Variants in CMIP observed in about 807,000 individuals in gnomAD.
CMIP encodes the protein c-Maf inducing protein.
A neutral mutation model predicts 97.3 loss-of-function variants in CMIP; 13 were observed. The ratio of observed to expected loss-of-function variants is 0.13; its 90% CI spans 0.09 to 0.21. The LOEUF (loss-of-function observed/expected upper bound fraction) is 0.21. CMIP is among the 10% of genes least tolerant of loss of function. The pLI is 1.00. For missense variants in CMIP, 847 were observed against 1,024.9 expected, an observed-to-expected ratio of 0.83 and a Z score of 2.37; for synonymous variants, 538 against 436.3, an observed-to-expected ratio of 1.23 and a Z score of -2.91.
intron 1 of CMIP, among the ~76,000 whole-genome samples, chr16:81,553,747 A>G (rs1238526046): frequency 6.6e-6 from 1 of 152,090 alleles, no homozygotes; most frequent in Non-Finnish European, 1.5e-5. Context: ...GCCAAAAGCT[A>G]TAGGCAGCAT....
chr16:81,676,820 C>G (rs1286551769), intron 9 of CMIP, among the ~76,000 whole-genome samples: 2 of 152,190 alleles, frequency 1.3e-5, no homozygotes, highest in Non-Finnish European at 1.5e-5. Flanking sequence ...CCCCTTCCCC[C>G]AGCTGCAACA....
chr16:81,529,540 A>G (rs1160656286), intron 1 of CMIP, among the ~76,000 whole-genome samples: 1 of 152,188 alleles, frequency 6.6e-6, no homozygotes, highest in Admixed American at 6.5e-5. Context: ...CCTACTCCCC[A>G]GAAATGGAAT....
intron 1 of CMIP, among the ~76,000 whole-genome samples, chr16:81,515,755 G>A (rs1409899885): frequency 6.6e-6 from 1 of 152,182 alleles, no homozygotes; most frequent in African/African-American, 2.4e-5. Flanking sequence ...TGATCTGCTG[G>A]GTGTGGTCGG....
intron 1 of CMIP, among the ~76,000 whole-genome samples, chr16:81,546,527 C>T (rs915635674): frequency 6.6e-6 from 1 of 152,202 alleles, no homozygotes. Context: ...ATTAATTCAT[C>T]TAACTAATAG....
intron 1 of CMIP, among the ~76,000 whole-genome samples, chr16:81,454,502 G>A (rs1906426654): frequency 6.6e-6 from 1 of 152,370 alleles, no homozygotes; most frequent in Non-Finnish European, 1.5e-5. Context: ...ACATTCCTTT[G>A]TGATTTTGTC....
intron 1 of CMIP, among the ~76,000 whole-genome samples, chr16:81,489,197 A>T (rs1041909868): frequency 6.6e-6 from 1 of 152,140 alleles, no homozygotes; most frequent in African/African-American, 2.4e-5. Flanking sequence ...GAGGGGTACG[A>T]TGTGCCCATA....
intron 3 of CMIP, chr16:81,651,317 GCCTCCGTTT>G: frequency 4.2e-6 from 2 of 480,416 alleles, no homozygotes; most frequent in Non-Finnish European, 5.4e-6. Context: ...CCTTCCGAGG[GCCTCCGTTT>G]CCATGATGTC....
chr16:81,551,628 G>A (rs968959354), intron 1 of CMIP, among the ~76,000 whole-genome samples: 4 of 152,146 alleles, frequency 2.6e-5, no homozygotes, highest in Admixed American at 6.5e-5. Context: ...TCTGTCTTCC[G>A]TTTTCTCTCC....
At chr16:81,619,276 C>T (rs879683818) in intron 2 of CMIP, 2 of 152,220 alleles carry the variant, frequency 1.3e-5, no homozygotes, top group Admixed American at 6.5e-5. Context: ...TCCCTGAGCT[C>T]ACTCACCAGA....
chr16:81,581,643 A>G (rs1385256021), intron 1 of CMIP, among the ~76,000 whole-genome samples: 1 of 152,166 alleles, frequency 6.6e-6, no homozygotes, highest in East Asian at 1.9e-4. Flanking sequence ...GTATTCACCT[A>G]GAAGGGGAAT....
At chr16:81,663,076 T>C (rs989489384) in intron 6 of CMIP, among the ~76,000 whole-genome samples, 2 of 146,604 alleles carry the variant, frequency 1.4e-5, no homozygotes, top group African/African-American at 5.1e-5. Context: ...AAAGCTCTCA[T>C]CTCGTCTACT....
intron 1 of CMIP, among the ~76,000 whole-genome samples, chr16:81,604,297 G>A (rs1259977112): frequency 6.6e-6 from 1 of 151,466 alleles, no homozygotes; most frequent in African/African-American, 2.4e-5. Context: ...TCAGGAGGCT[G>A]AGGCAGGAGA....
intron 1 of CMIP, among the ~76,000 whole-genome samples, chr16:81,527,176 G>A (rs570582165): frequency 7.2e-5 from 11 of 152,344 alleles, no homozygotes; most frequent in Admixed American, 2.6e-4. Flanking sequence ...AGGAAAGGGG[G>A]TGCTGGGTAA....
At chr16:81,457,570 G>C (rs553769120) in intron 1 of CMIP, among the ~76,000 whole-genome samples, 22 of 152,346 alleles carry the variant, frequency 1.4e-4, no homozygotes, top group African/African-American at 4.6e-4. Flanking sequence ...GTAACAACCC[G>C]TGATACGTAA....
At chr16:81,662,486 G>T (rs567514935) in intron 6 of CMIP, among the ~76,000 whole-genome samples, 3 of 152,100 alleles carry the variant, frequency 2.0e-5, no homozygotes, top group Admixed American at 6.5e-5. Flanking sequence ...GAGGGAGGGG[G>T]GTCCCAGCCA....
At chr16:81,511,860 C>G (rs1458737807) in intron 1 of CMIP, among the ~76,000 whole-genome samples, 1 of 152,182 alleles carries the variant, frequency 6.6e-6, no homozygotes, top group African/African-American at 2.4e-5. Flanking sequence ...CTGCACCTGG[C>G]CTCTAGTTAG....
At chr16:81,452,447 C>T (rs575896845) in intron 1 of CMIP, among the ~76,000 whole-genome samples, 6 of 152,248 alleles carry the variant, frequency 3.9e-5, no homozygotes, top group African/African-American at 9.6e-5. Context: ...AGCCTGCCCT[C>T]GTGGAGCCTG....
chr16:81,514,471 C>T (rs1739535757), intron 1 of CMIP, among the ~76,000 whole-genome samples: 1 of 152,214 alleles, frequency 6.6e-6, no homozygotes, highest in Non-Finnish European at 1.5e-5. Flanking sequence ...CTCATTAGTC[C>T]ATGACCTTAG....
intron 1 of CMIP, among the ~76,000 whole-genome samples, chr16:81,553,182 CTG>C (rs559409398): frequency 6.6e-5 from 10 of 152,186 alleles, no homozygotes; most frequent in Non-Finnish European, 1.3e-4. Context: ...TCCACCCTGA[CTG>C]TGGCCTGCTC....
Sources: gnomAD v4.1 joint callset for allele counts (sites outside exome capture counted in the v4.1 genomes callset) on GRCh38, gnomAD v4.1.1 for gene constraint, MANE v1.5 for transcripts, NCBI Gene and HGNC (gene_info 2026-07-23, HGNC 2026-07-21) for gene names.